SHANK2: variants seen among roughly 807,000 people sequenced by gnomAD.
SHANK2 encodes the protein SH3 and multiple ankyrin repeat domains protein 2.
SHANK2 carries 43 observed loss-of-function variants against 133.7 expected under a neutral mutation model. The observed-to-expected ratio is 0.32, with a 90% CI of 0.25 to 0.41. The LOEUF (loss-of-function observed/expected upper bound fraction) is 0.41, where lower values mean the gene tolerates loss of function less well. Among genes scored for constraint, SHANK2 ranks in the 10% least tolerant of loss-of-function variants. The pLI, the probability that SHANK2 is intolerant of heterozygous loss-of-function variation, is 1.00. For missense variants in SHANK2, 1,994 were observed against 2,235.8 expected (o/e 0.89, Z 2.18); for synonymous variants, 1,017 against 952.8 (o/e 1.07, Z -1.24).
rs148193732 is a variant in SHANK2, at chr11:70,912,829, G to A, written c.1108-16262C>T. On this transcript the variant is annotated intron_variant, in intron 10 of 25. Coordinates refer to ENST00000601538, the MANE Select transcript of SHANK2 (RefSeq NM_012309.5). The stretch of plus-strand genomic sequence containing the variant: ...GAACTAATACAGGTGTTTACACGGG[G>A]TTTTATTTGGTCAGCTTCTACAGAA... Among the ~76,000 whole-genome samples, 409 of 152,196 alleles carry A rather than the reference G, an allele frequency of 2.7e-3. 6 individuals are homozygous for A. The highest frequency in any genetic ancestry group is 0.02 in the East Asian group (104 of 5,176).
intron 2 of SHANK2, among the ~76,000 whole-genome samples, chr11:71,201,979 G>A (rs1297363910): frequency 6.6e-6 from 1 of 152,232 alleles, no homozygotes; most frequent in African/African-American, 2.4e-5. Context: ...ACAGGATACC[G>A]ACCAATTATT....
intron 11 of SHANK2, among the ~76,000 whole-genome samples, chr11:70,848,385 C>T (rs376215462): frequency 7.8e-4 from 119 of 152,238 alleles, no homozygotes; most frequent in African/African-American, 2.5e-3. Flanking sequence ...TCAACCCACC[C>T]GTTCCCGCCA....
intron 2 of SHANK2, among the ~76,000 whole-genome samples, chr11:71,148,359 C>T (rs1952697404): frequency 6.6e-6 from 1 of 152,210 alleles, no homozygotes; most frequent in Admixed American, 6.5e-5. Flanking sequence ...ACTGGGATTA[C>T]AGGTGTGAGC....
intron 10 of SHANK2, among the ~76,000 whole-genome samples, chr11:70,905,509 C>T (rs1328319471): frequency 1.3e-5 from 2 of 152,176 alleles, no homozygotes; most frequent in East Asian, 1.9e-4. Flanking sequence ...AGGCCCCCTC[C>T]GAATTCATGT....
At chr11:70,518,613 CTGCGGCAT>C (rs1431251899) in intron 17 of SHANK2, among the ~76,000 whole-genome samples, 2 of 152,208 alleles carry the variant, frequency 1.3e-5, no homozygotes, top group African/African-American at 4.8e-5. Flanking sequence ...CAATTGCATC[CTGCGGCAT>C]TGCTTCTATT....
intron 4 of SHANK2, among the ~76,000 whole-genome samples, chr11:71,114,465 C>T (rs530848933): frequency 1.3e-5 from 2 of 152,330 alleles, no homozygotes; most frequent in East Asian, 3.9e-4. Context: ...TTCTCCACCA[C>T]GCCAAACAAA....
At chr11:70,748,536 G>A (rs1271278082) in intron 14 of SHANK2, among the ~76,000 whole-genome samples, 1 of 152,144 alleles carries the variant, frequency 6.6e-6, no homozygotes, top group Non-Finnish European at 1.5e-5. Flanking sequence ...GGCCCCATCA[G>A]CACCTAACCC....
At position 70,487,071 on chromosome 11, in the gene SHANK2, G is replaced by C. The variant is rs1242209562; in HGVS notation, c.3222C>G (p.Val1074=). 16 of 1,609,558 alleles carry C rather than the reference G, an allele frequency of 9.9e-6. No individual in the cohort carries two copies. The highest frequency in any genetic ancestry group is 1.4e-5 in the Non-Finnish European group (16 of 1,179,842). The change falls in exon 25 of 26, where the codon GTC becomes GTG. Residue 1074 remains valine, a synonymous_variant. Coordinates refer to ENST00000601538, the MANE Select transcript of SHANK2 (RefSeq NM_012309.5). The surrounding 1 kb of genome is among the most constrained non-coding windows in gnomAD (Gnocchi z 5.8). ...CGATGGCGGCGGCAAAGGGGCTGCTGACGGTCAGGCTTTCGTCAGGCCGCA... is the reference window on the plus strand; with the variant it reads ...CGATGGCGGCGGCAAAGGGGCTGCTCACGGTCAGGCTTTCGTCAGGCCGCA... ...SQLRPDESLT[V]SSPFAAAIAG...
intron 11 of SHANK2, among the ~76,000 whole-genome samples, chr11:70,822,141 G>A (rs1197587254): frequency 6.6e-6 from 1 of 152,244 alleles, no homozygotes; most frequent in Non-Finnish European, 1.5e-5. Flanking sequence ...TCACTGGGGG[G>A]CCAAAGGCAC....
At chr11:70,854,791 T>C (rs1464697727) in intron 11 of SHANK2, among the ~76,000 whole-genome samples, 5 of 152,200 alleles carry the variant, frequency 3.3e-5, no homozygotes, top group African/African-American at 1.2e-4. Flanking sequence ...GCAAAGCTGC[T>C]GGGGTGTGAG....
At chr11:70,503,532 T>A (rs1391030618) in intron 17 of SHANK2, among the ~76,000 whole-genome samples, 2 of 152,212 alleles carry the variant, frequency 1.3e-5, no homozygotes, top group African/African-American at 4.8e-5. Flanking sequence ...GGGGGCCCTG[T>A]CCCTGTGCTG....
rs571107033 is a variant in SHANK2, at chr11:70,793,374, A to C, written c.1777+5069T>G. 2.0e-5 allele frequency among the ~76,000 whole-genome samples: 3 copies of C among 152,342 alleles called. 1 individual carries two copies. The highest frequency in any genetic ancestry group is 7.2e-5 in the African/African-American group (3 of 41,572). On this transcript the variant is annotated intron_variant, in intron 14 of 25. Coordinates refer to ENST00000601538, the MANE Select transcript of SHANK2 (RefSeq NM_012309.5). Reference sequence around the variant, plus strand: ...TGGTGGTGTCCTGGAACCAATCCCCACGTATACTGAGAGATGACTGTAGTT... The same window carrying C: ...TGGTGGTGTCCTGGAACCAATCCCCCCGTATACTGAGAGATGACTGTAGTT...
intron 10 of SHANK2, among the ~76,000 whole-genome samples, chr11:70,950,482 C>T (rs1223578320): frequency 6.6e-6 from 1 of 152,244 alleles, no homozygotes; most frequent in Non-Finnish European, 1.5e-5. Flanking sequence ...TGAGCCACTG[C>T]ACCAGGTCCA....
intron 14 of SHANK2, among the ~76,000 whole-genome samples, chr11:70,792,676 C>T (rs1352852270): frequency 6.6e-6 from 1 of 152,194 alleles, no homozygotes; most frequent in Admixed American, 6.5e-5. Flanking sequence ...TCCAAGGGTG[C>T]AAGCAAGGTC....
At chr11:70,609,682 TG>T (rs2060629163) in intron 17 of SHANK2, among the ~76,000 whole-genome samples, 1 of 151,332 alleles carries the variant, frequency 6.6e-6, no homozygotes, top group Non-Finnish European at 1.5e-5. Flanking sequence ...TATTGTATCT[TG>T]TATATACTGT....
chr11:71,186,859 C>T (rs189088823), intron 2 of SHANK2, among the ~76,000 whole-genome samples: 17 of 152,376 alleles, frequency 1.1e-4, no homozygotes, highest in Admixed American at 7.2e-4. Flanking sequence ...CGGCCCTCGG[C>T]ATTCAGCCCA....
chr11:71,135,441 G>A (rs1952418262), intron 3 of SHANK2, among the ~76,000 whole-genome samples: 1 of 150,898 alleles, frequency 6.6e-6, no homozygotes, highest in African/African-American at 2.4e-5. Flanking sequence ...CCACTGACTT[G>A]CACACTTCCA....
intron 17 of SHANK2, among the ~76,000 whole-genome samples, chr11:70,626,077 C>A (rs1554999860): frequency 1.3e-5 from 2 of 152,108 alleles, no homozygotes; most frequent in Non-Finnish European, 2.9e-5. Flanking sequence ...CCTCCCATCC[C>A]GGCTGAGCAT....
intron 17 of SHANK2, among the ~76,000 whole-genome samples, chr11:70,571,513 T>C (rs1554983074): frequency 6.6e-6 from 1 of 152,234 alleles, no homozygotes; most frequent in African/African-American, 2.4e-5. Flanking sequence ...GTCTAGATGC[T>C]ACCCCCACCA....
Sources: allele counts gnomAD v4.1 joint callset (sites outside exome capture counted in the v4.1 genomes callset), GRCh38; gene constraint gnomAD v4.1.1; non-coding constraint Gnocchi (gnomAD v3.1); transcripts MANE v1.5; gene names NCBI Gene and HGNC (gene_info 2026-07-23, HGNC 2026-07-21).